Variants in GABRB1 observed in about 807,000 individuals in gnomAD.
The protein encoded by GABRB1 is gamma-aminobutyric acid type A receptor subunit beta1, also known as gamma-aminobutyric acid receptor subunit beta-1.
Under a neutral mutation model 51.6 loss-of-function variants are expected in GABRB1, and 17 were observed. The ratio of observed to expected loss-of-function variants is 0.33; its 90% CI spans 0.23 to 0.49. The LOEUF is 0.49. GABRB1 is among the 20% of genes least tolerant of loss of function. The pLI, the probability that GABRB1 is intolerant of heterozygous loss-of-function variation, is 0.99. For missense variants in GABRB1, 410 were observed against 600.6 expected (o/e 0.68, Z 3.32); for synonymous variants, 247 against 218.9 (o/e 1.13, Z -1.14).
chr4:47,005,396 C>A (rs1437561386), intron 1 of GABRB1, among the ~76,000 whole-genome samples: 1 of 151,974 alleles, frequency 6.6e-6, no homozygotes, highest in East Asian at 1.9e-4. Context: ...CCAGCATGGG[C>A]GACAGAGTGG....
intron 4 of GABRB1, among the ~76,000 whole-genome samples, chr4:47,195,294 G>A (rs542570939): frequency 3.3e-5 from 5 of 152,216 alleles, no homozygotes; most frequent in East Asian, 1.9e-4. Context: ...GTGAACCCGG[G>A]AGGTGGAGCT....
At chr4:47,201,470 G>A (rs749697199) in intron 4 of GABRB1, among the ~76,000 whole-genome samples, 12 of 151,998 alleles carry the variant, frequency 7.9e-5, no homozygotes, top group Admixed American at 4.6e-4. Context: ...CCAGTGAAAG[G>A]CTATTTATTC....
rs974461043 is a variant in GABRB1 at position 47,166,801 on chromosome 4, C to T, written c.461+5332C>T. 3.9e-5 allele frequency among the ~76,000 whole-genome samples: 6 copies of T among 152,032 alleles called. No individual in the cohort carries two copies. The South Asian group carries it at 8.3e-4, about 21-fold the overall frequency. The stretch of plus-strand genomic sequence containing the variant: ...TTACCTGGTAACCCTACAGCCCTAC[C>T]GATGCCCTCCCTTCTCTGCCCCCAC... On this transcript the variant is annotated intron_variant, in intron 4 of 8. Coordinates refer to ENST00000295454, the MANE Select transcript of GABRB1 (RefSeq NM_000812.4).
chr4:47,358,400 T>TAG (rs1306308847), intron 5 of GABRB1, among the ~76,000 whole-genome samples: 5 of 151,236 alleles, frequency 3.3e-5, no homozygotes, highest in African/African-American at 4.9e-5. Flanking sequence ...TATATATATA[T>TAG]ATATAGAGAG....
intron 4 of GABRB1, among the ~76,000 whole-genome samples, chr4:47,299,775 A>G (rs1724174909): frequency 1.3e-5 from 2 of 152,180 alleles, no homozygotes; most frequent in Non-Finnish European, 2.9e-5. Context: ...ATGCTGTTAT[A>G]AAGACACATG....
At chr4:47,236,238 A>C (rs889813021) in intron 4 of GABRB1, among the ~76,000 whole-genome samples, 1 of 152,068 alleles carries the variant, frequency 6.6e-6, no homozygotes, top group Non-Finnish European at 1.5e-5. Context: ...CTTTAACATC[A>C]TTTATTCTAA....
At chr4:47,224,884 G>C (rs1284520205) in intron 4 of GABRB1, among the ~76,000 whole-genome samples, 1 of 151,880 alleles carries the variant, frequency 6.6e-6, no homozygotes, top group Non-Finnish European at 1.5e-5. Context: ...TTTTGTTGCT[G>C]TTGCTGTTGT....
At chr4:47,063,797 A>G (rs1686720142) in intron 3 of GABRB1, among the ~76,000 whole-genome samples, 1 of 152,122 alleles carries the variant, frequency 6.6e-6, no homozygotes, top group South Asian at 2.1e-4. Context: ...AGAAAACCAA[A>G]CACCACGTGC....
intron 4 of GABRB1, among the ~76,000 whole-genome samples, chr4:47,244,136 G>A (rs1721649554): frequency 3.9e-5 from 6 of 152,198 alleles, no homozygotes; most frequent in Admixed American, 3.9e-4. Context: ...CATCTATTGA[G>A]ATAATTATGT....
chr4:47,407,683 G>A (rs781336342), intron 8 of GABRB1, among the ~76,000 whole-genome samples: 1 of 152,132 alleles, frequency 6.6e-6, no homozygotes, highest in African/African-American at 2.4e-5. Flanking sequence ...ACTGTTCTAG[G>A]CATTTGGGAT....
At chr4:47,061,186 T>G (rs1205259329) in intron 3 of GABRB1, among the ~76,000 whole-genome samples, 1 of 152,222 alleles carries the variant, frequency 6.6e-6, no homozygotes. Flanking sequence ...AACTGTCAGG[T>G]TTCCCAGGTA....
chr4:47,262,805 A>C (rs1273788484), intron 4 of GABRB1, among the ~76,000 whole-genome samples: 6 of 152,244 alleles, frequency 3.9e-5, no homozygotes, highest in South Asian at 4.2e-4. Context: ...AAATTCCAAC[A>C]ATGATAGACT....
At chr4:47,363,422 G>T (rs1212726033) in intron 5 of GABRB1, among the ~76,000 whole-genome samples, 1 of 151,992 alleles carries the variant, frequency 6.6e-6, no homozygotes, top group Non-Finnish European at 1.5e-5. Context: ...GCACATCTCA[G>T]GCCCGAAAAT....
intron 4 of GABRB1, among the ~76,000 whole-genome samples, chr4:47,314,999 T>C (rs1578088011): frequency 6.6e-6 from 1 of 151,774 alleles, no homozygotes; most frequent in East Asian, 1.9e-4. Flanking sequence ...CAAAAGCAAT[T>C]GCAATAAAAA....
intron 3 of GABRB1, among the ~76,000 whole-genome samples, chr4:47,051,274 A>G (rs987045627): frequency 6.6e-6 from 1 of 152,120 alleles, no homozygotes; most frequent in Non-Finnish European, 1.5e-5. Flanking sequence ...GGAATGCAAA[A>G]TTATGTTTAG....
intron 4 of GABRB1, among the ~76,000 whole-genome samples, chr4:47,243,881 C>G (rs1404971577): frequency 6.6e-6 from 1 of 152,170 alleles, no homozygotes; most frequent in Non-Finnish European, 1.5e-5. Context: ...TTATTTCCTT[C>G]TCCTGCCTGA....
intron 3 of GABRB1, among the ~76,000 whole-genome samples, chr4:47,106,431 GA>G (rs200030852): frequency 3.3e-5 from 5 of 151,558 alleles, no homozygotes; most frequent in South Asian, 2.1e-4. Context: ...CTATGTTATA[GA>G]AAAAAAATCT....
At chr4:47,011,496 T>A (rs1037151077) in intron 1 of GABRB1, among the ~76,000 whole-genome samples, 25 of 152,106 alleles carry the variant, frequency 1.6e-4, no homozygotes, top group East Asian at 9.6e-4. Flanking sequence ...TAGGGTCAAA[T>A]GGTTTTGTTT....
chr4:47,371,664 T>C (rs1218713749), intron 5 of GABRB1, among the ~76,000 whole-genome samples: 1 of 152,264 alleles, frequency 6.6e-6, no homozygotes, highest in East Asian at 1.9e-4. Flanking sequence ...GTTGTGGTTT[T>C]GATGGGCGTT....
Sources: allele counts gnomAD v4.1 joint callset (sites outside exome capture counted in the v4.1 genomes callset), GRCh38; gene constraint gnomAD v4.1.1; transcripts MANE v1.5; gene names NCBI Gene and HGNC (gene_info 2026-07-23, HGNC 2026-07-21).